Variants in ABCG8 observed in about 807,000 individuals in gnomAD.
ABCG8 encodes ATP binding cassette subfamily G member 8, also known as ATP-binding cassette sub-family G member 8.
Under a neutral mutation model 71.3 loss-of-function variants are expected in ABCG8, and 81 were observed. The ratio of observed to expected loss-of-function variants is 1.14; its 90% CI spans 0.95 to 1.37. The LOEUF is 1.37. Ranked by LOEUF, ABCG8 falls within the 40% of genes most tolerant of loss-of-function variation. ABCG8 has a pLI of 0.00. For missense variants in ABCG8, 1,119 were observed against 866.2 expected (o/e 1.29, Z -3.66); for synonymous variants, 451 against 354.7 (o/e 1.27, Z -3.05).
chr2:43,855,351 T>C (rs1246989898), intron 6 of ABCG8, among the ~76,000 whole-genome samples: 2 of 152,012 alleles, frequency 1.3e-5, no homozygotes, highest in Non-Finnish European at 2.9e-5. Context: ...GATAGAATTC[T>C]CACTCTCTGG....
rs774622976 is a variant in ABCG8, at chr2:43,872,118, C to T, written c.1107C>T (p.Asp369=). 17 of 1,613,994 alleles carry T rather than the reference C, an allele frequency of 1.1e-5. No individual in the cohort carries two copies. The highest frequency in any genetic ancestry group is 1.3e-5 in the African/African-American group (1 of 74,900). Reference sequence around the variant, plus strand: ...GGAAAGCAGAGACGAAGGATCTTGACGAGGACACCTGTGTGGAAAGGTAAG... The same window carrying T: ...GGAAAGCAGAGACGAAGGATCTTGATGAGGACACCTGTGTGGAAAGGTAAG... ...FLWKAETKDL[D]EDTCVESSVT... is the part of the protein sequence containing the mutation. Residue 369 remains aspartate (D), a synonymous_variant, in exon 7 of 13, where the codon GAC becomes GAT. Coordinates refer to ENST00000272286, the MANE Select transcript of ABCG8 (RefSeq NM_022437.3).
chr2:43,838,995 G>C lies in ABCG8; in HGVS notation c.-59G>C. On this transcript the variant is annotated 5_prime_UTR_variant, in exon 1 of 13. Transcript: ENST00000272286. The surrounding 1 kb of genome is among the most constrained non-coding windows in gnomAD (Gnocchi z 4.2). ...GAAACAGAGTGAAGACACTGGCCCT[G>C]GCAGGCAGCAGCTGGGTCTAAGAGA... 4.6e-6 allele frequency: 7 copies of C among 1,517,350 alleles called. No homozygotes were observed. The highest frequency in any genetic ancestry group is 6.3e-6 in the Non-Finnish European group (7 of 1,117,888). 94.0% of individuals were successfully genotyped at this position (1,517,350 alleles called of 1,614,324 possible).
Position 43,839,107 on chromosome 2 carries a change from GGATACCT to G in ABCG8, c.55_61del (p.Asp19ArgfsTer71). ...GGCTGCCGAAAGGGGCCACTCCCCA[GGATACCT>G]CGGTGAGTGAGCAATGGGAAGTCGG... On this transcript the variant is annotated frameshift_variant and splice_region_variant, in exon 1 of 13. Coordinates refer to ENST00000272286, the MANE Select transcript of ABCG8 (RefSeq NM_022437.3). LOFTEE classifies it high-confidence loss of function. 6.4e-7 allele frequency: 1 copy of G among 1,551,284 alleles called. No individual in the cohort carries two copies. Among genetic ancestry groups the G allele is most frequent in the South Asian group, 1.2e-5 (1 of 84,044 alleles).
rs1182088610 is a variant in ABCG8, at chr2:43,877,794, C to G, written c.1903C>G (p.Leu635Val). 6.2e-7 allele frequency: 1 copy of G among 1,614,190 alleles called. No homozygotes were observed. Residue 635 changes from leucine to valine, a missense_variant, in exon 13 of 13, where the codon CTG (leucine) becomes GTG (valine). By Grantham distance (32) the Leu-to-Val change is conservative. Coordinates refer to ENST00000272286, the MANE Select transcript of ABCG8 (RefSeq NM_022437.3). ...TCTCCAGATCCTCAGTGTCATGGAG[C>G]TGGACTCGTACCCTCTCTACGCCAT... The part of the protein sequence containing the change: ...SGDKILSVME[L>V]DSYPLYAIYL...
chr2:43,867,298 T>A (rs1426263036), intron 6 of ABCG8, among the ~76,000 whole-genome samples: 2 of 151,514 alleles, frequency 1.3e-5, no homozygotes, highest in African/African-American at 4.9e-5. Flanking sequence ...TATGCATATG[T>A]AACTAACCTG....
chr2:43,875,374 G>T lies in ABCG8; in HGVS notation c.1717G>T (p.Ala573Ser), dbSNP rs762908915. Residue 573 changes from alanine to serine, a missense_variant, in exon 11 of 13, where the codon GCC (alanine) becomes TCC (serine). Physicochemically the swap from Ala to Ser is moderately conservative, Grantham distance 99 (BLOSUM62 1). Transcript: ENST00000272286. ...TGCCCTCTACAACTCCTTCTACCTC[G>T]CCGGGGGCTTCATGATAAACTTGAG... ...SNALYNSFYL[A>S]GGFMINLSSL... 2.5e-6 allele frequency: 4 copies of T among 1,614,032 alleles called. No individual in the cohort carries two copies. The highest frequency in any genetic ancestry group is 3.4e-6 in the Non-Finnish European group (4 of 1,180,038).
At position 43,877,948 on chromosome 2, in the gene ABCG8, T is replaced by A. The variant is rs1014550518; in HGVS notation, c.*35T>A. 5 of 1,613,882 alleles carry A rather than the reference T, an allele frequency of 3.1e-6. No individual in the cohort carries two copies. Among genetic ancestry groups the A allele is most frequent in the Non-Finnish European group, 4.2e-6 (5 of 1,179,972 alleles). ...GACGTCTGCCCGCTGGTGGGGGACCTGAGCAGACCCTTCAACTGCACTCCC... is the reference window on the plus strand; with the variant it reads ...GACGTCTGCCCGCTGGTGGGGGACCAGAGCAGACCCTTCAACTGCACTCCC... On this transcript the variant is annotated 3_prime_UTR_variant, in exon 13 of 13. Transcript: ENST00000272286.
chr2:43,851,507 G>C, intron 3 of ABCG8, 77 bp from the exon 4 acceptor site: 3 of 1,509,548 alleles, frequency 2.0e-6, no homozygotes, highest in African/African-American at 1.4e-5. Context: ...GTCCTGGAGA[G>C]TGTATGGGGA....
At chr2:43,845,733 T>G (rs982079130) in intron 2 of ABCG8, among the ~76,000 whole-genome samples, 3 of 152,136 alleles carry the variant, frequency 2.0e-5, no homozygotes, top group Non-Finnish European at 4.4e-5. Flanking sequence ...GTGATTCTCC[T>G]GCCTCAGCCT....
At chr2:43,874,999 T>C (rs943261260) in intron 10 of ABCG8, 147 bp from the exon 11 acceptor site, 9 of 1,152,878 alleles carry the variant, frequency 7.8e-6, no homozygotes, top group Non-Finnish European at 1.2e-6. Flanking sequence ...GAGCTCATGC[T>C]CCTGGGTCCC....
chr2:43,871,689 G>A (rs1256301592), intron 6 of ABCG8, among the ~76,000 whole-genome samples: 1 of 152,236 alleles, frequency 6.6e-6, no homozygotes, highest in Admixed American at 6.5e-5. Flanking sequence ...ATGAGCCTGG[G>A]TAGTGGGACT....
intron 6 of ABCG8, among the ~76,000 whole-genome samples, chr2:43,861,201 A>T (rs1431833784): frequency 6.7e-6 from 1 of 148,572 alleles, no homozygotes; most frequent in Non-Finnish European, 1.5e-5. Flanking sequence ...ACTCTCACTG[A>T]CTGGATAGAA....
At chr2:43,869,730 A>G (rs1194586610) in intron 6 of ABCG8, among the ~76,000 whole-genome samples, 1 of 151,678 alleles carries the variant, frequency 6.6e-6, no homozygotes, top group Non-Finnish European at 1.5e-5. Flanking sequence ...TAGAATTCTC[A>G]CCATCTGGAT....
At chr2:43,846,642 G>T in intron 3 of ABCG8, 1 of 367,146 alleles carries the variant, frequency 2.7e-6, no homozygotes, top group South Asian at 2.2e-5. Flanking sequence ...GACTCCTCCA[G>T]CCATGAGGGG....
At chr2:43,875,056 G>A (rs1289557415) in intron 10 of ABCG8, 90 bp from the exon 11 acceptor site, 3 of 1,573,996 alleles carry the variant, frequency 1.9e-6, no homozygotes, top group Non-Finnish European at 2.6e-6. Flanking sequence ...AGGGAAGGTT[G>A]CTATCTGGGG....
At chr2:43,841,602 C>T (rs185740664) in intron 1 of ABCG8, among the ~76,000 whole-genome samples, 2 of 152,326 alleles carry the variant, frequency 1.3e-5, no homozygotes, top group East Asian at 3.9e-4. Context: ...AAGGCACAAT[C>T]CCTCAATGGT....
intron 6 of ABCG8, among the ~76,000 whole-genome samples, chr2:43,854,780 C>T (rs1029095747): frequency 6.6e-6 from 1 of 152,180 alleles, no homozygotes; most frequent in Admixed American, 6.5e-5. Context: ...GAGATCCTGG[C>T]TGTGGCTGGG....
At chr2:43,854,026 C>A (rs1240375313) in intron 6 of ABCG8, among the ~76,000 whole-genome samples, 2 of 152,250 alleles carry the variant, frequency 1.3e-5, no homozygotes, top group African/African-American at 2.4e-5. Flanking sequence ...GAATAGGGGC[C>A]AAAAGGCACC....
At chr2:43,865,780 G>C (rs1008635866) in intron 6 of ABCG8, among the ~76,000 whole-genome samples, 30 of 151,898 alleles carry the variant, frequency 2.0e-4, no homozygotes, top group African/African-American at 6.3e-4. Flanking sequence ...AGTCTGGATA[G>C]AATTCTCACC....
Sources: gnomAD v4.1 joint callset for allele counts (sites outside exome capture counted in the v4.1 genomes callset) on GRCh38, gnomAD v4.1.1 for gene constraint, Gnocchi (gnomAD v3.1) non-coding constraint, MANE v1.5 for transcripts, NCBI Gene and HGNC (gene_info 2026-07-23, HGNC 2026-07-21) for gene names.